The following GIGYF2 variants were observed in gnomAD, a reference collection of about 807,000 sequenced individuals.
The protein encoded by GIGYF2 is GRB10 interacting GYF protein 2, also known as GRB10-interacting GYF protein 2.
GIGYF2 carries 25 observed loss-of-function variants against 208.1 expected under a neutral mutation model. The observed-to-expected ratio is 0.12, with a 90% CI of 0.09 to 0.17. The LOEUF is 0.17. Among genes scored for constraint, GIGYF2 ranks in the 10% least tolerant of loss-of-function variants. The pLI, the probability that GIGYF2 is intolerant of heterozygous loss-of-function variation, is 1.00. For missense variants in GIGYF2, 1,302 were observed against 1,579.4 expected, an observed-to-expected ratio of 0.82 and a Z score of 2.98; for synonymous variants, 534 against 543.8, an observed-to-expected ratio of 0.98 and a Z score of 0.25.
At chr2:232,720,742 G>A (rs1466770476) in intron 2 of GIGYF2, among the ~76,000 whole-genome samples, 3 of 152,018 alleles carry the variant, frequency 2.0e-5, no homozygotes, top group African/African-American at 7.2e-5. Flanking sequence ...TTACAGGCAT[G>A]AACCACCATG....
intron 2 of GIGYF2, among the ~76,000 whole-genome samples, chr2:232,715,820 CTTTTT>C (rs75526495): frequency 6.9e-6 from 1 of 143,946 alleles, no homozygotes; most frequent in Non-Finnish European, 1.5e-5. Flanking sequence ...GAAGAATTTC[CTTTTT>C]TTTTTTTTTT....
At position 232,816,963 on chromosome 2, in the gene GIGYF2, A is replaced by G. The variant is rs775978608; in HGVS notation, c.2301A>G (p.Glu767=). 3 of 1,612,898 alleles carry G rather than the reference A, an allele frequency of 1.9e-6. No homozygotes were observed. The highest frequency in any genetic ancestry group is 2.5e-6 in the Non-Finnish European group (3 of 1,178,888). Residue 767 remains glutamate, a synonymous_variant, in exon 20 of 29, where the codon GAA becomes GAG. Coordinates refer to ENST00000373563, the MANE Select transcript of GIGYF2 (RefSeq NM_001103146.3). ...AAGAACTCCGAAGACAACAGGAGGA[A>G]ATTCTTCGGCGACAGCAGGAAGAAG... ...RQEELRRQQE[E]ILRRQQEEER... is the part of the protein sequence containing the mutation.
chr2:232,809,979 CATTTATTTATTT>C (rs35451202), intron 16 of GIGYF2, among the ~76,000 whole-genome samples, 168 bp downstream of exon 16: 1 of 151,410 alleles, frequency 6.6e-6, no homozygotes, highest in Non-Finnish European at 1.5e-5. Flanking sequence ...TTAGTGTTGT[CATTTATTTATTT>C]ATTTATTTAT....
chr2:232,746,155 CA>C (rs138081172), intron 3 of GIGYF2, among the ~76,000 whole-genome samples: 3,492 of 151,024 alleles, frequency 0.023, 147 homozygotes, highest in African/African-American at 0.081. Flanking sequence ...TATGAAAATA[CA>C]AAAAATTTTC....
At chr2:232,810,717 A>C (rs186276619) in intron 16 of GIGYF2, 1 of 179,466 alleles carries the variant, frequency 5.6e-6, no homozygotes, top group Non-Finnish European at 1.2e-5. Flanking sequence ...TATGAGCTGC[A>C]TAGATGAAAC....
intron 19 of GIGYF2, chr2:232,816,002 A>G: frequency 2.3e-6 from 1 of 437,746 alleles, no homozygotes; most frequent in Non-Finnish European, 4.2e-6. Flanking sequence ...AGGTAACATT[A>G]TTCATGGTAT....
chr2:232,856,794 A>G lies in GIGYF2; in HGVS notation c.3834A>G (p.Gly1278=). ...TCATAGCCAGTTTTTTTTCTGCAGG[A>G]TTTTCAGTCAATGCATCATCGGAGC... The part of the protein sequence containing the change: ...KMVRADPSLL[G]FSVNASSERL... Residue 1278 remains glycine, a splice_region_variant and synonymous_variant, in exon 29 of 29, where the codon GGA becomes GGG. Coordinates refer to ENST00000373563, the MANE Select transcript of GIGYF2 (RefSeq NM_001103146.3). 6.2e-7 allele frequency: 1 copy of G among 1,611,824 alleles called. No individual in the cohort carries two copies. Among genetic ancestry groups the G allele is most frequent in the Non-Finnish European group, 8.5e-7 (1 of 1,178,002 alleles).
In GIGYF2 at chr2:232,730,897, C is replaced by CAA. The variant is rs34491260; in HGVS notation, c.-43-4234_-43-4233dup. On this transcript the variant is annotated intron_variant, in intron 2 of 28. Coordinates refer to ENST00000373563, the MANE Select transcript of GIGYF2 (RefSeq NM_001103146.3). ...TGGGCGACAGAGCGAGACTCCGTCT[C>CAA]AAAAAAAAAAAAAAAAAAAAAAAAA... is the stretch of plus-strand genomic sequence containing the variant. Among the ~76,000 whole-genome samples the CAA allele has an allele frequency of 5.4e-3, 276 of 51,234 alleles. 1 individual carries two copies. The highest frequency in any genetic ancestry group is 8.5e-3 in the Admixed American group (34 of 4,018). 33.6% of individuals were successfully genotyped at this position (51,234 alleles called of 152,430 possible).
intron 6 of GIGYF2, among the ~76,000 whole-genome samples, chr2:232,759,326 A>C (rs1698660641): frequency 6.6e-6 from 1 of 152,104 alleles, no homozygotes; most frequent in South Asian, 2.1e-4. Context: ...CTAAGATTTC[A>C]CCTAGTTACA....
intron 19 of GIGYF2, among the ~76,000 whole-genome samples, chr2:232,816,654 A>G (rs974052654): frequency 6.6e-6 from 1 of 152,214 alleles, no homozygotes; most frequent in Non-Finnish European, 1.5e-5. Context: ...GTTGTAGCGT[A>G]TGTCAGAATT....
At chr2:232,849,791 C>G (rs752880617) in intron 27 of GIGYF2, among the ~76,000 whole-genome samples, 4 of 152,174 alleles carry the variant, frequency 2.6e-5, no homozygotes, top group Non-Finnish European at 5.9e-5. Context: ...CAGATCGTTT[C>G]TGGGATTGCT....
intron 2 of GIGYF2, among the ~76,000 whole-genome samples, chr2:232,706,335 G>T (rs1447090544): frequency 6.6e-6 from 1 of 152,148 alleles, no homozygotes; most frequent in Non-Finnish European, 1.5e-5. Context: ...AAGGATTTCT[G>T]CATAATTTGT....
chr2:232,847,433 T>G lies in GIGYF2; in HGVS notation c.3546T>G (p.Ser1182=). The part of the protein sequence containing the change: ...DYIRAYLGDT[S]EAKEFAKQFL... ...TCAGGGCCTATTTAGGAGATACTTC[T>G]GAGGCCAAGGAGTTTGCCAAGCAGT... Residue 1182 remains serine (S), a synonymous_variant, in exon 27 of 29, where the codon TCT becomes TCG. Coordinates refer to ENST00000373563, the MANE Select transcript of GIGYF2 (RefSeq NM_001103146.3). 1.2e-6 allele frequency: 2 copies of G among 1,614,050 alleles called. No homozygotes were observed. Among genetic ancestry groups the G allele is most frequent in the Non-Finnish European group, 1.7e-6 (2 of 1,179,966 alleles).
chr2:232,727,569 G>A (rs565436480), intron 2 of GIGYF2, among the ~76,000 whole-genome samples: 12 of 152,282 alleles, frequency 7.9e-5, no homozygotes, highest in Non-Finnish European at 1.0e-4. Context: ...TAGTTACAGA[G>A]AATGTGGTGA....
chr2:232,850,790 C>A (rs1196768907), intron 28 of GIGYF2, among the ~76,000 whole-genome samples: 1 of 152,130 alleles, frequency 6.6e-6, no homozygotes, highest in Admixed American at 6.5e-5. Context: ...GACCATTAAT[C>A]CGATCAGGTG....
At chr2:232,774,980 AT>A (rs1350518498) in intron 8 of GIGYF2, among the ~76,000 whole-genome samples, 1 of 151,330 alleles carries the variant, frequency 6.6e-6, no homozygotes, top group Non-Finnish European at 1.5e-5. Context: ...TTACAATTGT[AT>A]TTTTTTTCTC....
chr2:232,830,155 T>C (rs1217978711), intron 21 of GIGYF2, among the ~76,000 whole-genome samples: 1 of 152,026 alleles, frequency 6.6e-6, no homozygotes, highest in Non-Finnish European at 1.5e-5. Context: ...AATTTTTACT[T>C]TATGTTTTTG....
chr2:232,715,257 A>G (rs1038003697), intron 2 of GIGYF2, among the ~76,000 whole-genome samples: 2 of 152,202 alleles, frequency 1.3e-5, no homozygotes, highest in African/African-American at 4.8e-5. Context: ...TGTTCATAAC[A>G]TTATTTATGA....
chr2:232,795,418 C>T (rs1700195255), intron 13 of GIGYF2, among the ~76,000 whole-genome samples: 1 of 152,138 alleles, frequency 6.6e-6, no homozygotes, highest in South Asian at 2.1e-4. Context: ...AATTTCTCTT[C>T]CCTTTGGGGT....
Sources: gnomAD v4.1 joint callset for allele counts (sites outside exome capture counted in the v4.1 genomes callset) on GRCh38, gnomAD v4.1.1 for gene constraint, MANE v1.5 for transcripts, NCBI Gene and HGNC (gene_info 2026-07-23, HGNC 2026-07-21) for gene names.